The following KEL variants were observed in gnomAD, a reference collection of about 807,000 sequenced individuals.
The protein encoded by KEL is Kell metallo-endopeptidase (Kell blood group).
KEL carries 96 observed loss-of-function variants against 99.5 expected under a neutral mutation model. The observed-to-expected ratio is 0.97, with a 90% CI of 0.82 to 1.14. KEL has a LOEUF of 1.14. Among genes scored for constraint, KEL ranks in the 50% most tolerant of loss-of-function variants. The probability of loss-of-function intolerance (pLI) is 0.00; values close to 1 mark genes in which losing one functional copy is unlikely to be tolerated. For synonymous variants in KEL, 355 were observed against 354.8 expected, an observed-to-expected ratio of 1.00 and a Z score of -0.01; for missense variants, 926 against 924.2, an observed-to-expected ratio of 1.00 and a Z score of -0.03.
At position 142,941,413 on chromosome 7, in the gene KEL, C is replaced by T; in HGVS notation, c.2038G>A (p.Val680Met). The change falls in exon 19 of 19, where the codon GTG (valine) becomes ATG (methionine). Residue 680 changes from valine to methionine, a missense_variant and splice_region_variant. Physicochemically the swap from Val to Met is conservative, Grantham distance 21. Coordinates refer to ENST00000355265, the MANE Select transcript of KEL (RefSeq NM_000420.3). ...TGGGGGCTGGGCTTCCTACACATCA[C>T]CTGAGCAGGAAGAGAGGTCATTGAA... ...QQIFFRSYAQ[V>M]MCRKPSPQDS... is the part of the protein sequence containing the mutation. The T allele has an allele frequency of 6.3e-7, 1 of 1,592,146 alleles. No individual in the cohort carries two copies. Among genetic ancestry groups the T allele is most frequent in the Non-Finnish European group, 8.6e-7 (1 of 1,166,164 alleles).
At chr7:142,950,295 C>T (rs1796649247) in intron 10 of KEL, among the ~76,000 whole-genome samples, 1 of 152,176 alleles carries the variant, frequency 6.6e-6, no homozygotes, top group African/African-American at 2.4e-5. Context: ...TGCTCTGATT[C>T]CCTCCCCACT....
At chr7:142,952,680 T>G in intron 9 of KEL, 42 bp from the exon 10 acceptor site, 1 of 1,611,742 alleles carries the variant, frequency 6.2e-7, no homozygotes, top group Non-Finnish European at 8.5e-7. Context: ...CCCAGGAATC[T>G]GGGGATGCTT....
At chr7:142,947,184 A>C (rs1016086030) in intron 10 of KEL, among the ~76,000 whole-genome samples, 5 of 152,254 alleles carry the variant, frequency 3.3e-5, no homozygotes, top group Non-Finnish European at 5.9e-5. Flanking sequence ...AGGAGGAGGT[A>C]GCTGGCCTGA....
chr7:142,944,186 C>T (rs1586249163), intron 13 of KEL, 137 bp downstream of exon 13: 1 of 790,984 alleles, frequency 1.3e-6, no homozygotes, highest in Non-Finnish European at 2.3e-6. Context: ...ATTTCCCCAT[C>T]AACCCCAGCC....
intron 1 of KEL, 72 bp downstream of exon 1, chr7:142,962,132 G>A (rs776435572): frequency 4.3e-5 from 70 of 1,613,316 alleles, no homozygotes; most frequent in African/African-American, 2.3e-4. Context: ...CCCCTCCAGT[G>A]GGGGCAGGAC....
At chr7:142,942,678 G>A in intron 17 of KEL, 149 bp from the exon 18 acceptor site, 5 of 878,506 alleles carry the variant, frequency 5.7e-6, no homozygotes, top group South Asian at 1.4e-5. Context: ...GTACTTCCCA[G>A]AAGACCTATA....
rs201877660 is a variant in KEL, at chr7:142,946,222, C to T, written c.1299G>A (p.Pro433=). The change falls in exon 11 of 19, where the codon CCG becomes CCA. Residue 433 remains proline, a synonymous_variant. Coordinates refer to ENST00000355265, the MANE Select transcript of KEL (RefSeq NM_000420.3). ...TCTCACATACAGCACTTCGGGTGCT[C>T]GGGCCAAAGGCCTCACGAACAAACA... ...AALFVREAFG[P]STRSAAMKLF... The T allele has an allele frequency of 3.4e-5, 55 of 1,613,672 alleles. No homozygotes were observed. Among genetic ancestry groups the T allele is most frequent in the East Asian group, 2.5e-4 (11 of 44,866 alleles).
chr7:142,943,228 C>T, intron 16 of KEL, 48 bp downstream of exon 16: 1 of 1,602,958 alleles, frequency 6.2e-7, no homozygotes, highest in Non-Finnish European at 8.5e-7. Context: ...TTGTGGTCTT[C>T]CCTTAGGTTC....
intron 10 of KEL, 57 bp downstream of exon 10, chr7:142,952,451 CA>C: frequency 6.2e-7 from 1 of 1,604,770 alleles, no homozygotes; most frequent in African/African-American, 1.3e-5. Flanking sequence ...ATTTACCCCT[CA>C]AAAGAGTAGA....
chr7:142,943,748 G>A (rs764359167), intron 14 of KEL, 35 bp downstream of exon 14: 1 of 1,581,322 alleles, frequency 6.3e-7, no homozygotes, highest in Admixed American at 1.7e-5. Flanking sequence ...GGGTCTCTCT[G>A]GGATGGAGTG....
chr7:142,961,091 T>C lies in KEL; in HGVS notation c.237A>G (p.Thr79=). The C allele has an allele frequency of 6.2e-7, 1 of 1,613,806 alleles. No homozygotes were observed. Among genetic ancestry groups the C allele is most frequent in the Non-Finnish European group, 8.5e-7 (1 of 1,180,024 alleles). ...FQNCGPRPCE[T]SVCLDLRDHY... ...GATCCCGGAGATCCAAACACACAGATGTCTCACAGGGGCCTGTGGGGAAAA... is the reference window on the plus strand; with the variant it reads ...GATCCCGGAGATCCAAACACACAGACGTCTCACAGGGGCCTGTGGGGAAAA... Residue 79 remains threonine (T), a synonymous_variant, in exon 4 of 19, where the codon ACA becomes ACG. Coordinates refer to ENST00000355265, the MANE Select transcript of KEL (RefSeq NM_000420.3).
At position 142,941,167 on chromosome 7, in the gene KEL, A is replaced by G; in HGVS notation, c.*85T>C. ...GCTTTTATTTTTGGAACAGAAGCAG[A>G]AAGGAAATCTTGCTCTGATTCCATG... On this transcript the variant is annotated 3_prime_UTR_variant, in exon 19 of 19. Coordinates refer to ENST00000355265, the MANE Select transcript of KEL (RefSeq NM_000420.3). The G allele has an allele frequency of 6.8e-7, 1 of 1,466,730 alleles. No individual in the cohort carries two copies. Among genetic ancestry groups the G allele is most frequent in the South Asian group, 1.1e-5 (1 of 87,912 alleles). 90.9% of individuals were successfully genotyped at this position (1,466,730 alleles called of 1,614,324 possible).
Position 142,958,312 on chromosome 7 carries a change from T to TA in KEL, c.516dup (p.Ile173TyrfsTer2). ...ATCCCAACTTTTCTCACCTCCTCAA[T>TA]AACTTGTCTGAGGGGACCAGTCCCT... On this transcript the variant is annotated frameshift_variant, in exon 5 of 19. Transcript: ENST00000355265. LOFTEE classifies it high-confidence loss of function. 21 of 1,614,118 alleles carry TA rather than the reference T, an allele frequency of 1.3e-5. No homozygotes were observed. Among genetic ancestry groups the TA allele is most frequent in the Non-Finnish European group, 1.8e-5 (21 of 1,180,000 alleles).
At position 142,957,902 on chromosome 7, in the gene KEL, A is replaced by C; in HGVS notation, c.597T>G (p.Ser199Arg). Residue 199 changes from serine (S) to arginine (R), a missense_variant, in exon 6 of 19, where the codon AGT becomes AGG. Coordinates refer to ENST00000355265, the MANE Select transcript of KEL (RefSeq NM_000420.3). ...TGAAGAAAGGGAAATGGCCATACTGACTCATCAGAAGTCTCAGCGTTCGGT... is the reference window on the plus strand; with the variant it reads ...TGAAGAAAGGGAAATGGCCATACTGCCTCATCAGAAGTCTCAGCGTTCGGT... ...NFNRTLRLLMSQYGHFPFFRA... is the reference protein window; with the variant it reads ...NFNRTLRLLMRQYGHFPFFRA... 1 of 1,613,976 alleles carries C rather than the reference A, an allele frequency of 6.2e-7. No homozygotes were observed. Among genetic ancestry groups the C allele is most frequent in the Non-Finnish European group, 8.5e-7 (1 of 1,179,964 alleles).
rs543925219 is a variant in KEL, at chr7:142,957,851, G to A, written c.648C>T (p.Ala216=). 1.9e-5 allele frequency: 30 copies of A among 1,614,164 alleles called. No homozygotes were observed. Among genetic ancestry groups the A allele is most frequent in the Admixed American group, 6.7e-5 (4 of 60,030 alleles). Residue 216 remains alanine (A), a synonymous_variant, in exon 6 of 19, where the codon GCC becomes GCT. Coordinates refer to ENST00000355265, the MANE Select transcript of KEL (RefSeq NM_000420.3). ...CCTGGATGACTGGTGTGTGTGGAGA[G>A]GCAGGATGAGGTCCTAGGTAGGCTC... The part of the protein sequence containing the change: ...FFRAYLGPHP[A]SPHTPVIQID...
intron 6 of KEL, 61 bp from the exon 7 acceptor site, chr7:142,954,588 G>A (rs1057447550): frequency 7.0e-6 from 10 of 1,436,724 alleles, no homozygotes; most frequent in Non-Finnish European, 9.8e-6. Flanking sequence ...GGCAGGTGTG[G>A]GGAGGTGGGG....
At chr7:142,958,019 C>G in intron 5 of KEL, 46 bp from the exon 6 acceptor site, 1 of 1,599,636 alleles carries the variant, frequency 6.3e-7, no homozygotes, top group Non-Finnish European at 8.5e-7. Flanking sequence ...CCGTGGAGCC[C>G]ATCCCCCATT....
intron 5 of KEL, 113 bp downstream of exon 5, chr7:142,958,191 T>TG (rs896969446): frequency 2.7e-6 from 4 of 1,479,324 alleles, no homozygotes; most frequent in African/African-American, 1.4e-5. Flanking sequence ...TCCTAGAAAT[T>TG]GGGGGGCCCT....
In KEL at chr7:142,943,794, G is replaced by T; in HGVS notation, c.1581C>A (p.His527Gln). 1 of 1,613,958 alleles carries T rather than the reference G, an allele frequency of 6.2e-7. No individual in the cohort carries two copies. Among genetic ancestry groups the T allele is most frequent in the Non-Finnish European group, 8.5e-7 (1 of 1,179,834 alleles). Reference sequence around the variant, plus strand: ...CCCTGCTGTCATACCTGTGTTGGGGGTGAGGCTGCAAGAAGCTCTGGACAA... The same window carrying T: ...CCCTGCTGTCATACCTGTGTTGGGGTTGAGGCTGCAAGAAGCTCTGGACAA... ...ARIVQSFLQP[H>Q]PQHRWKVSPW... The change falls in exon 14 of 19, where the codon CAC (histidine) becomes CAA (glutamine). Residue 527 changes from histidine to glutamine, a missense_variant. By Grantham distance (24) the His-to-Gln change is conservative. Transcript: ENST00000355265.
Sources: allele counts gnomAD v4.1 joint callset (sites outside exome capture counted in the v4.1 genomes callset), GRCh38; gene constraint gnomAD v4.1.1; transcripts MANE v1.5; gene names NCBI Gene and HGNC (gene_info 2026-07-23, HGNC 2026-07-21).